RFX3: variants seen among roughly 807,000 people sequenced by gnomAD.
RFX3 encodes transcription factor RFX3.
Under a neutral mutation model 98.6 loss-of-function variants are expected in RFX3, and 14 were observed. That is an observed-to-expected ratio of 0.14 (90% CI 0.09 to 0.22). The LOEUF is 0.22. Among genes scored for constraint, RFX3 ranks in the 10% least tolerant of loss-of-function variants. The pLI is 1.00. For synonymous variants in RFX3, 383 were observed against 328.4 expected (o/e 1.17, Z -1.80); for missense variants, 639 against 926.9 (o/e 0.69, Z 4.03).
At chr9:3,520,979 G>A (rs1009162717) in intron 1 of RFX3, among the ~76,000 whole-genome samples, 1 of 152,092 alleles carries the variant, frequency 6.6e-6, no homozygotes, top group African/African-American at 2.4e-5. Context: ...CAACCAGCCA[G>A]AATTATCTAG....
intron 13 of RFX3, 92 bp downstream of exon 13, chr9:3,262,843 G>C (rs1268408142): frequency 1.5e-6 from 2 of 1,326,468 alleles, no homozygotes; most frequent in Non-Finnish European, 2.1e-6. Context: ...ATATATAGAT[G>C]AGACTTTGAA....
intron 14 of RFX3, among the ~76,000 whole-genome samples, chr9:3,254,599 G>A (rs930309791): frequency 2.0e-5 from 3 of 151,302 alleles, no homozygotes; most frequent in African/African-American, 4.9e-5. Flanking sequence ...GTGCAGTGGC[G>A]TGATCTCTGC....
chr9:3,450,243 T>C (rs1458457605), intron 1 of RFX3, among the ~76,000 whole-genome samples: 1 of 152,244 alleles, frequency 6.6e-6, no homozygotes, highest in Non-Finnish European at 1.5e-5. Flanking sequence ...GTTTGATCTA[T>C]GTGAAAATAC....
chr9:3,381,233 T>A (rs544071089), intron 2 of RFX3, among the ~76,000 whole-genome samples: 1 of 151,962 alleles, frequency 6.6e-6, no homozygotes, highest in East Asian at 1.9e-4. Context: ...CCAAAAAAAA[T>A]TCCCAAAATT....
At position 3,254,347 on chromosome 9, in the gene RFX3, G is replaced by A. The variant is rs567902051; in HGVS notation, c.1814+2644C>T. Among the ~76,000 whole-genome samples the A allele has an allele frequency of 9.7e-4, 147 of 151,738 alleles. 3 individuals are homozygous for A. The East Asian group carries it at 0.019, about 19-fold the overall frequency. On this transcript the variant is annotated intron_variant, in intron 14 of 16. Coordinates refer to ENST00000617270, the MANE Select transcript of RFX3 (RefSeq NM_001282116.2). ...TAATAACATAAGAAAGCAGTAGGAA[G>A]AAAAAAAGCACCTTGCTTTTTTGGA...
At chr9:3,343,024 A>G (rs1279816711) in intron 3 of RFX3, among the ~76,000 whole-genome samples, 2 of 152,250 alleles carry the variant, frequency 1.3e-5, no homozygotes, top group African/African-American at 4.8e-5. Flanking sequence ...CTCACTCACT[A>G]ACCCACACTG....
intron 4 of RFX3, among the ~76,000 whole-genome samples, chr9:3,317,898 A>ATAGG (rs1324408395): frequency 6.6e-6 from 1 of 152,232 alleles, no homozygotes; most frequent in East Asian, 1.9e-4. Flanking sequence ...ATGTGGAGAA[A>ATAGG]TAGGAACACT....
Position 3,512,716 on chromosome 9 carries a change from C to G in RFX3, c.-9+13031G>C, listed in dbSNP as rs147042178. On this transcript the variant is annotated intron_variant, in intron 1 of 16. Transcript: ENST00000617270. ...AACAAATGTGGTGCTCAAAAAGAGG[C>G]TAAGTACAATCTTTTTCCTTGGGTC... Among the ~76,000 whole-genome samples, 890 of 152,066 alleles carry G rather than the reference C, an allele frequency of 5.9e-3. 3 individuals carry two copies. The highest frequency in any genetic ancestry group is 0.02 in the African/African-American group (851 of 41,514).
rs1175370346 is a variant in RFX3 at position 3,296,598 on chromosome 9, G to T, written c.550-3340C>A. ...AAATCACTAGTTAGTTTGAAAAATG[G>T]TACAAGAACAGGTATTTTGATGACT... On this transcript the variant is annotated intron_variant, in intron 5 of 16. Coordinates refer to ENST00000617270, the MANE Select transcript of RFX3 (RefSeq NM_001282116.2). Among the ~76,000 whole-genome samples, 3 of 151,856 alleles carry T rather than the reference G, an allele frequency of 2.0e-5. No homozygotes were observed. The South Asian group carries it at 6.2e-4, about 31-fold the overall frequency.
At position 3,296,251 on chromosome 9, in the gene RFX3, C is replaced by T. The variant is rs1827972323; in HGVS notation, c.550-2993G>A. Among the ~76,000 whole-genome samples, 4 of 151,882 alleles carry T rather than the reference C, an allele frequency of 2.6e-5. No homozygotes were observed. The South Asian group carries it at 8.3e-4, about 31-fold the overall frequency. On this transcript the variant is annotated intron_variant, in intron 5 of 16. Transcript: ENST00000617270. ...ATATATATATGGGTTAATCAGACCACTCTTCATAAAGAAAACTTTTCATAG... is the reference window on the plus strand; with the variant it reads ...ATATATATATGGGTTAATCAGACCATTCTTCATAAAGAAAACTTTTCATAG...
chr9:3,234,202 T>C (rs1411989432), intron 15 of RFX3, among the ~76,000 whole-genome samples: 2 of 152,190 alleles, frequency 1.3e-5, no homozygotes, highest in Non-Finnish European at 2.9e-5. Flanking sequence ...GCACACTTTT[T>C]CAGTAAGGGA....
intron 1 of RFX3, among the ~76,000 whole-genome samples, chr9:3,441,319 G>C (rs1173458310): frequency 6.6e-6 from 1 of 152,132 alleles, no homozygotes; most frequent in Non-Finnish European, 1.5e-5. Flanking sequence ...GAGAGAGAGA[G>C]AGAGAGAGAG....
intron 1 of RFX3, among the ~76,000 whole-genome samples, chr9:3,482,074 C>G (rs566704517): frequency 7.0e-4 from 107 of 152,042 alleles, no homozygotes; most frequent in African/African-American, 2.5e-3. Flanking sequence ...GACAGCTACA[C>G]AAAGATGCAC....
At chr9:3,352,966 G>C (rs1835325160) in intron 2 of RFX3, among the ~76,000 whole-genome samples, 1 of 151,904 alleles carries the variant, frequency 6.6e-6, no homozygotes, top group African/African-American at 2.4e-5. Flanking sequence ...AACAATGATA[G>C]ACTGGATTAA....
chr9:3,492,498 G>A (rs190981433), intron 1 of RFX3, among the ~76,000 whole-genome samples: 2 of 152,300 alleles, frequency 1.3e-5, no homozygotes, highest in East Asian at 1.9e-4. Flanking sequence ...CTCTACTTCA[G>A]CACATTCCCA....
intron 1 of RFX3, among the ~76,000 whole-genome samples, chr9:3,434,391 C>T (rs960568682): frequency 6.6e-6 from 1 of 152,108 alleles, no homozygotes; most frequent in African/African-American, 2.4e-5. Flanking sequence ...CTTACCAAAT[C>T]TAGCAATCTC....
At chr9:3,467,073 TATATGTATATACATACATATATGTAA>T (rs1427933813) in intron 1 of RFX3, among the ~76,000 whole-genome samples, 2 of 142,464 alleles carry the variant, frequency 1.4e-5, no homozygotes, top group African/African-American at 5.2e-5. Flanking sequence ...TATATAAGTA[TATATGTATATACATACATATATGTAA>T]GTATATATGT....
At chr9:3,490,285 T>C in intron 1 of RFX3, 1 of 967,484 alleles carries the variant, frequency 1.0e-6, no homozygotes, top group Non-Finnish European at 1.2e-6. Flanking sequence ...TTACCTCATA[T>C]TCCTTCCAGA....
chr9:3,445,235 G>C (rs900131821), intron 1 of RFX3, among the ~76,000 whole-genome samples: 3 of 152,058 alleles, frequency 2.0e-5, no homozygotes, highest in Admixed American at 2.0e-4. Context: ...TTTTCATAAA[G>C]TAAGTTATTA....
Sources: gnomAD v4.1 joint callset for allele counts (sites outside exome capture counted in the v4.1 genomes callset) on GRCh38, gnomAD v4.1.1 for gene constraint, MANE v1.5 for transcripts, NCBI Gene and HGNC (gene_info 2026-07-23, HGNC 2026-07-21) for gene names.